The following ARHGAP15 variants were observed in gnomAD, a reference collection of about 807,000 sequenced individuals.
The protein encoded by ARHGAP15 is rho GTPase-activating protein 15.
ARHGAP15 carries 51 observed loss-of-function variants against 63.7 expected under a neutral mutation model. The observed-to-expected ratio is 0.80, with a 90% CI of 0.64 to 1.01. The LOEUF (loss-of-function observed/expected upper bound fraction) is 1.01, where lower values mean the gene tolerates loss of function less well. Among genes scored for constraint, ARHGAP15 ranks in the 50% least tolerant of loss-of-function variants. The probability of loss-of-function intolerance (pLI) is 0.00; values close to 1 mark genes in which losing one functional copy is unlikely to be tolerated. For synonymous variants in ARHGAP15, 191 were observed against 193.8 expected, an observed-to-expected ratio of 0.99 and a Z score of 0.12; for missense variants, 560 against 564.6, an observed-to-expected ratio of 0.99 and a Z score of 0.08.
chr2:143,763,253 G>A (rs191765251), intron 13 of ARHGAP15, among the ~76,000 whole-genome samples: 2 of 152,162 alleles, frequency 1.3e-5, no homozygotes, highest in Admixed American at 6.5e-5. Context: ...TTGAAATTGT[G>A]GTTGATTTCC....
chr2:143,392,035 C>T (rs1213338977), intron 6 of ARHGAP15, among the ~76,000 whole-genome samples: 1 of 151,632 alleles, frequency 6.6e-6, no homozygotes, highest in African/African-American at 2.4e-5. Flanking sequence ...ACAAAAAAAA[C>T]AAAAAAAGGT....
At chr2:143,528,441 G>T (rs942771512) in intron 10 of ARHGAP15, among the ~76,000 whole-genome samples, 2 of 151,932 alleles carry the variant, frequency 1.3e-5, no homozygotes, top group Non-Finnish European at 2.9e-5. Flanking sequence ...ATTTTTTTGA[G>T]TTGATAGAGA....
At chr2:143,685,165 C>A (rs778789085) in intron 12 of ARHGAP15, among the ~76,000 whole-genome samples, 1 of 151,892 alleles carries the variant, frequency 6.6e-6, no homozygotes, top group African/African-American at 2.4e-5. Context: ...CGCATTTGCT[C>A]GGGAGAGGGG....
At chr2:143,330,107 AAAAAAAAAAAAAAAAAAAAAAAAACC>A (rs1684453772) in intron 6 of ARHGAP15, among the ~76,000 whole-genome samples, 5 of 82,142 alleles carry the variant, frequency 6.1e-5, no homozygotes, top group South Asian at 4.2e-4. Context: ...AAAAAAAAAA[AAAAAAAAAAAAAAAAAAAAAAAAACC>A]AAAAACAAAA....
chr2:143,564,822 A>T (rs1696158066), intron 11 of ARHGAP15, among the ~76,000 whole-genome samples: 1 of 152,240 alleles, frequency 6.6e-6, no homozygotes, highest in Non-Finnish European at 1.5e-5. Flanking sequence ...TTTTACCATA[A>T]CAATCCTTTT....
At chr2:143,304,976 G>GTA (rs1281604029) in intron 6 of ARHGAP15, among the ~76,000 whole-genome samples, 4 of 152,010 alleles carry the variant, frequency 2.6e-5, no homozygotes, top group African/African-American at 4.8e-5. Context: ...CCATTACTAG[G>GTA]TATATACCCA....
At chr2:143,455,209 T>C (rs1297627171) in intron 8 of ARHGAP15, among the ~76,000 whole-genome samples, 1 of 152,100 alleles carries the variant, frequency 6.6e-6, no homozygotes, top group Non-Finnish European at 1.5e-5. Context: ...GGCTTATTCA[T>C]TAGTTTTCAA....
At chr2:143,208,023 T>G (rs1411453740) in intron 3 of ARHGAP15, among the ~76,000 whole-genome samples, 2 of 152,136 alleles carry the variant, frequency 1.3e-5, no homozygotes, top group Non-Finnish European at 2.9e-5. Flanking sequence ...CCAGGAGTCC[T>G]GGCAGTAGTT....
At chr2:143,216,570 A>G in intron 4 of ARHGAP15, 125 bp downstream of exon 4, 1 of 639,382 alleles carries the variant, frequency 1.6e-6, no homozygotes, top group Non-Finnish European at 2.8e-6. Flanking sequence ...CTCCTCTGCT[A>G]CTGCTATGAT....
intron 2 of ARHGAP15, among the ~76,000 whole-genome samples, chr2:143,175,239 G>T (rs944509977): frequency 6.6e-6 from 1 of 152,102 alleles, no homozygotes; most frequent in African/African-American, 2.4e-5. Flanking sequence ...CCGAGTGAAA[G>T]AAATGAGGAA....
chr2:143,422,924 C>G (rs1397107178), intron 6 of ARHGAP15, among the ~76,000 whole-genome samples: 3 of 152,060 alleles, frequency 2.0e-5, no homozygotes, highest in Non-Finnish European at 4.4e-5. Context: ...ACAGGATATC[C>G]AAGACTGTGC....
intron 6 of ARHGAP15, among the ~76,000 whole-genome samples, chr2:143,263,907 CTTTTTTTTTTTTTTTTT>C (rs373296096): frequency 3.6e-4 from 14 of 38,418 alleles, no homozygotes; most frequent in East Asian, 2.9e-3. Context: ...AAGCTGCAGT[CTTTTTTTTTTTTTTTTT>C]TTTTTTTTTT....
At chr2:143,425,808 A>G (rs746193811) in intron 6 of ARHGAP15, among the ~76,000 whole-genome samples, 68 of 152,294 alleles carry the variant, frequency 4.5e-4, no homozygotes, top group Middle Eastern at 3.4e-3. Context: ...AGCAAAATCT[A>G]GATTGTCAAG....
intron 12 of ARHGAP15, among the ~76,000 whole-genome samples, chr2:143,642,206 T>C (rs970159129): frequency 2.6e-5 from 4 of 152,126 alleles, no homozygotes; most frequent in African/African-American, 7.2e-5. Context: ...TTTTTTTCTC[T>C]TTTTTGTTTT....
intron 6 of ARHGAP15, among the ~76,000 whole-genome samples, chr2:143,288,656 A>T (rs1282039770): frequency 6.6e-6 from 1 of 150,854 alleles, no homozygotes; most frequent in Non-Finnish European, 1.5e-5. Context: ...ACCTTAAAGG[A>T]CTGTTTAAGA....
chr2:143,303,281 T>C (rs1033657324), intron 6 of ARHGAP15, among the ~76,000 whole-genome samples: 4 of 151,956 alleles, frequency 2.6e-5, no homozygotes, highest in Admixed American at 6.6e-5. Flanking sequence ...AGGATTAATA[T>C]CCAGAATCTA....
intron 8 of ARHGAP15, among the ~76,000 whole-genome samples, chr2:143,437,766 C>T (rs745819606): frequency 1.1e-4 from 17 of 152,132 alleles, no homozygotes; most frequent in Non-Finnish European, 2.1e-4. Flanking sequence ...TAGCTCACGC[C>T]TGTAATCCCA....
intron 9 of ARHGAP15, 109 bp from the exon 10 acceptor site, chr2:143,519,157 T>A: frequency 1.3e-6 from 1 of 778,830 alleles, no homozygotes; most frequent in Non-Finnish European, 2.1e-6. Context: ...AAAAAAAAAA[T>A]CTTATGCAAG....
chr2:143,666,044 T>C (rs1239514877), intron 12 of ARHGAP15, among the ~76,000 whole-genome samples: 2 of 151,400 alleles, frequency 1.3e-5, no homozygotes, highest in East Asian at 3.9e-4. Context: ...CCAATGACTT[T>C]CTTCACAGAA....
Sources: allele counts gnomAD v4.1 joint callset (sites outside exome capture counted in the v4.1 genomes callset), GRCh38; gene constraint gnomAD v4.1.1; transcripts MANE v1.5; gene names NCBI Gene and HGNC (gene_info 2026-07-23, HGNC 2026-07-21).